DPP10: variants seen among roughly 807,000 people sequenced by gnomAD.
The protein encoded by DPP10 is dipeptidyl peptidase like 10.
Under a neutral mutation model 120.9 loss-of-function variants are expected in DPP10, and 33 were observed. That is an observed-to-expected ratio of 0.27 (90% confidence interval 0.21 to 0.37). The LOEUF is 0.37. Ranked by LOEUF, DPP10 falls within the 10% of genes least tolerant of loss-of-function variation. The pLI, the probability that DPP10 is intolerant of heterozygous loss-of-function variation, is 1.00. For synonymous variants in DPP10, 337 were observed against 326.1 expected, an observed-to-expected ratio of 1.03 and a Z score of -0.36; for missense variants, 816 against 942.8, an observed-to-expected ratio of 0.87 and a Z score of 1.76.
chr2:115,597,473 TA>T (rs1331264421), intron 5 of DPP10, among the ~76,000 whole-genome samples: 13 of 151,246 alleles, frequency 8.6e-5, no homozygotes, highest in Admixed American at 7.9e-4. Flanking sequence ...TTTAGCCAAC[TA>T]AAAATATTCC....
intron 1 of DPP10, among the ~76,000 whole-genome samples, chr2:114,806,242 C>G (rs1384719587): frequency 6.6e-6 from 1 of 152,190 alleles, no homozygotes; most frequent in Non-Finnish European, 1.5e-5. Context: ...ACATTACAAG[C>G]TATTTTACAG....
chr2:115,001,141 G>A (rs1357678489), intron 1 of DPP10, among the ~76,000 whole-genome samples: 1 of 152,124 alleles, frequency 6.6e-6, no homozygotes, highest in Non-Finnish European at 1.5e-5. Flanking sequence ...CAATAAAAAT[G>A]TTATGACTCT....
At chr2:114,681,707 C>T (rs1699039225) in intron 1 of DPP10, among the ~76,000 whole-genome samples, 1 of 151,976 alleles carries the variant, frequency 6.6e-6, no homozygotes, top group Admixed American at 6.6e-5. Flanking sequence ...GGTAGTAGGT[C>T]AGGGGAGCCT....
chr2:115,540,705 T>C (rs541625879), intron 5 of DPP10, among the ~76,000 whole-genome samples: 48 of 152,026 alleles, frequency 3.2e-4, no homozygotes, highest in African/African-American at 1.1e-3. Flanking sequence ...TTCATCATAT[T>C]TTCTTTCTGG....
chr2:115,461,119 A>AT (rs2073960346), intron 3 of DPP10, among the ~76,000 whole-genome samples: 1 of 152,158 alleles, frequency 6.6e-6, no homozygotes, highest in Admixed American at 6.6e-5. Flanking sequence ...TATGTTGAGA[A>AT]TAAAAAGATG....
chr2:115,239,712 C>CATAT (rs1477595859), intron 1 of DPP10, among the ~76,000 whole-genome samples: 1 of 152,118 alleles, frequency 6.6e-6, no homozygotes, highest in Non-Finnish European at 1.5e-5. Flanking sequence ...ATCAACCCAT[C>CATAT]ATATACATTA....
At chr2:115,501,140 A>C (rs1462940551) in intron 4 of DPP10, among the ~76,000 whole-genome samples, 1 of 152,054 alleles carries the variant, frequency 6.6e-6, no homozygotes, top group Non-Finnish European at 1.5e-5. Flanking sequence ...CTAGGCCCTC[A>C]GTAGCCAAGC....
intron 1 of DPP10, among the ~76,000 whole-genome samples, chr2:114,554,720 C>T (rs148675909): frequency 1.4e-4 from 22 of 152,294 alleles, no homozygotes; most frequent in African/African-American, 3.4e-4. Context: ...TTGCCCATTC[C>T]GGGCTTTAAC....
intron 11 of DPP10, among the ~76,000 whole-genome samples, chr2:115,754,401 G>A (rs927334250): frequency 3.9e-5 from 6 of 152,118 alleles, no homozygotes; most frequent in African/African-American, 1.4e-4. Context: ...TGAAGCAAAT[G>A]AAGAATCTGC....
chr2:114,524,749 G>A (rs554637455), intron 1 of DPP10, among the ~76,000 whole-genome samples: 1 of 152,288 alleles, frequency 6.6e-6, no homozygotes, highest in East Asian at 1.9e-4. Flanking sequence ...AGGATTCATG[G>A]TGCCTTTATG....
chr2:114,446,692 A>T (rs1677962560), intron 1 of DPP10, among the ~76,000 whole-genome samples: 1 of 152,120 alleles, frequency 6.6e-6, no homozygotes, highest in Admixed American at 6.6e-5. Flanking sequence ...TAAGATTTTC[A>T]TTGTCTTCGG....
chr2:114,514,832 CAT>C (rs1213154367), intron 1 of DPP10, among the ~76,000 whole-genome samples: 1 of 151,352 alleles, frequency 6.6e-6, no homozygotes, highest in Non-Finnish European at 1.5e-5. Flanking sequence ...GTGAGGGTTC[CAT>C]CAGAGTATCT....
chr2:115,610,511 G>GTGTGTGTGTA (rs56136090), intron 5 of DPP10, among the ~76,000 whole-genome samples: 46,915 of 150,272 alleles, frequency 0.31, 8,008 homozygotes, highest in Admixed American at 0.43. Flanking sequence ...GTGTGTGTGT[G>GTGTGTGTGTA]TGTTTTCAAC....
chr2:115,162,914 C>CGAGGAGGAG (rs372201733), intron 1 of DPP10, among the ~76,000 whole-genome samples: 5 of 151,206 alleles, frequency 3.3e-5, no homozygotes, highest in African/African-American at 9.7e-5. Context: ...GACACCCTGG[C>CGAGGAGGAG]GAGGAGGAGG....
At chr2:114,907,470 C>G (rs1408681140) in intron 1 of DPP10, among the ~76,000 whole-genome samples, 1 of 152,040 alleles carries the variant, frequency 6.6e-6, no homozygotes, top group Admixed American at 6.6e-5. Context: ...GCTTTTGCTG[C>G]ATCTCATAGA....
intron 7 of DPP10, among the ~76,000 whole-genome samples, chr2:115,696,036 G>A (rs2091568496): frequency 6.6e-6 from 1 of 151,898 alleles, no homozygotes; most frequent in Non-Finnish European, 1.5e-5. Flanking sequence ...CTGAAGATAA[G>A]ACAAGTGAAA....
chr2:115,591,997 C>A (rs2082693189), intron 5 of DPP10, among the ~76,000 whole-genome samples: 1 of 152,032 alleles, frequency 6.6e-6, no homozygotes, highest in Non-Finnish European at 1.5e-5. Flanking sequence ...TCCTGACAGG[C>A]AAGGTGAGCG....
chr2:114,614,951 G>A (rs1175952409), intron 1 of DPP10, among the ~76,000 whole-genome samples: 1 of 152,050 alleles, frequency 6.6e-6, no homozygotes, highest in Middle Eastern at 3.2e-3. Flanking sequence ...TGAAACAAGG[G>A]GAGCAGTGAA....
intron 1 of DPP10, among the ~76,000 whole-genome samples, chr2:115,036,498 T>G (rs1243502921): frequency 6.6e-6 from 1 of 152,220 alleles, no homozygotes; most frequent in African/African-American, 2.4e-5. Context: ...ACAGTCTCCT[T>G]TTAAACAAAC....
Sources: allele counts gnomAD v4.1 joint callset (sites outside exome capture counted in the v4.1 genomes callset), GRCh38; gene constraint gnomAD v4.1.1; transcripts MANE v1.5; gene names NCBI Gene and HGNC (gene_info 2026-07-23, HGNC 2026-07-21).